The following ERBB4 variants were observed in gnomAD, a reference collection of about 807,000 sequenced individuals.
ERBB4 encodes the protein receptor tyrosine-protein kinase erbB-4.
ERBB4 carries 42 observed loss-of-function variants against 158.0 expected under a neutral mutation model. The observed-to-expected ratio is 0.27, with a 90% CI of 0.21 to 0.34. The LOEUF is 0.34. Ranked by LOEUF, ERBB4 falls within the 10% of genes least tolerant of loss-of-function variation. ERBB4 has a pLI of 1.00. For synonymous variants in ERBB4, 583 were observed against 558.7 expected (o/e 1.04, Z -0.61); for missense variants, 1,333 against 1,624.1 (o/e 0.82, Z 3.08).
chr2:211,986,199 G>C (rs1044087162), intron 2 of ERBB4, among the ~76,000 whole-genome samples: 2 of 152,088 alleles, frequency 1.3e-5, no homozygotes, highest in African/African-American at 4.8e-5. Flanking sequence ...GTATCAACAA[G>C]GAACCAATCC....
In ERBB4 at chr2:212,252,972, A is replaced by G. The variant is rs77022456; in HGVS notation, c.83-128069T>C. ...GTGAGCATCTTGTGGGAAAATTTGC[A>G]TAACATCATTTGCATTTCTTCTAAT... On this transcript the variant is annotated intron_variant, in intron 1 of 27. Transcript: ENST00000342788. Among the ~76,000 whole-genome samples, 1,458 of 152,292 alleles carry G rather than the reference A, an allele frequency of 9.6e-3. 22 individuals carry two copies. Among genetic ancestry groups the G allele is most frequent in the African/African-American group, 0.034 (1,396 of 41,566 alleles).
intron 20 of ERBB4, among the ~76,000 whole-genome samples, chr2:211,465,184 A>G (rs1225011625): frequency 6.6e-6 from 1 of 151,984 alleles, no homozygotes; most frequent in Admixed American, 6.6e-5. Context: ...TGCTTTAAAT[A>G]GGCTTGAGCT....
At chr2:212,343,807 G>A (rs1260888611) in intron 1 of ERBB4, among the ~76,000 whole-genome samples, 2 of 152,018 alleles carry the variant, frequency 1.3e-5, no homozygotes, top group African/African-American at 2.4e-5. Flanking sequence ...TTAATTTTAT[G>A]TGTTAATTTT....
intron 2 of ERBB4, among the ~76,000 whole-genome samples, chr2:212,035,983 C>T (rs1416548602): frequency 6.6e-6 from 1 of 152,134 alleles, no homozygotes; most frequent in Non-Finnish European, 1.5e-5. Context: ...ATGAACTCTA[C>T]CTGGGATACA....
chr2:211,378,680 T>C lies in ERBB4; in HGVS notation c.*4935A>G. 1 of 232,418 alleles carries C rather than the reference T, an allele frequency of 4.3e-6. No homozygotes were observed. Among genetic ancestry groups the C allele is most frequent in the African/African-American group, 2.2e-5 (1 of 45,366 alleles). 14.4% of individuals were successfully genotyped at this position (232,418 alleles called of 1,614,324 possible). A position where few individuals can be genotyped will look rare whatever the true frequency, so the allele number is the denominator to read the frequency against. On this transcript the variant is annotated 3_prime_UTR_variant, in exon 28 of 28. Transcript: ENST00000342788. ...GTAATAATGAGGTCTCCACTGATAA[T>C]GATCTTTTAAAATTATGCCTGATCT...
chr2:211,946,984 T>C (rs1467206422), intron 3 of ERBB4, among the ~76,000 whole-genome samples: 1 of 152,100 alleles, frequency 6.6e-6, no homozygotes, highest in Non-Finnish European at 1.5e-5. Flanking sequence ...ATCAAAACTG[T>C]ATAAATTAGA....
In ERBB4 at chr2:211,548,440, T is replaced by C. The variant is rs145298074; in HGVS notation, c.2487+13463A>G. ...CAAATAAAATTCTATAGAGAAAAAATTCATAAGCTCATTTAAAAAATTATC... is the reference window on the plus strand; with the variant it reads ...CAAATAAAATTCTATAGAGAAAAAACTCATAAGCTCATTTAAAAAATTATC... On this transcript the variant is annotated intron_variant, in intron 20 of 27. Transcript: ENST00000342788. Among the ~76,000 whole-genome samples, 1,016 of 151,254 alleles carry C rather than the reference T, an allele frequency of 6.7e-3. 11 individuals carry two copies. The highest frequency in any genetic ancestry group is 0.024 in the African/African-American group (970 of 41,226).
intron 5 of ERBB4, among the ~76,000 whole-genome samples, chr2:211,748,500 GC>G (rs1559483271): frequency 6.6e-6 from 1 of 152,122 alleles, no homozygotes. Context: ...TGTCTTAAGT[GC>G]CCCTACTCAA....
intron 3 of ERBB4, among the ~76,000 whole-genome samples, chr2:211,924,600 T>C (rs2079965141): frequency 6.6e-6 from 1 of 152,210 alleles, no homozygotes; most frequent in African/African-American, 2.4e-5. Context: ...AGATTATGTT[T>C]AGAGGGTGAA....
At chr2:212,246,564 C>T (rs916919115) in intron 1 of ERBB4, among the ~76,000 whole-genome samples, 2 of 152,012 alleles carry the variant, frequency 1.3e-5, no homozygotes, top group African/African-American at 2.4e-5. Flanking sequence ...CAAGAATATA[C>T]ACAAAATACA....
At chr2:211,462,124 CG>C (rs2064550155) in intron 20 of ERBB4, among the ~76,000 whole-genome samples, 1 of 151,822 alleles carries the variant, frequency 6.6e-6, no homozygotes, top group Non-Finnish European at 1.5e-5. Context: ...CTTGGCTTCT[CG>C]GGGAGATCTC....
In ERBB4 at chr2:212,191,786, T is replaced by TAC. The variant is rs1422119121; in HGVS notation, c.83-66884_83-66883insGT. Among the ~76,000 whole-genome samples the TAC allele has an allele frequency of 3.3e-3, 336 of 101,096 alleles. 1 individual carries two copies. Among genetic ancestry groups the TAC allele is most frequent in the Non-Finnish European group, 4.3e-3 (215 of 50,486 alleles). 66.3% of individuals were successfully genotyped at this position (101,096 alleles called of 152,430 possible). ...CATGTTATATATAACACGTGTGTTA[T>TAC]ATGTTCTATATGTTATATATAATAC... On this transcript the variant is annotated intron_variant, in intron 1 of 27. Coordinates refer to ENST00000342788, the MANE Select transcript of ERBB4 (RefSeq NM_005235.3).
At chr2:211,772,947 ATATATATATTTT>A (rs2075751853) in intron 4 of ERBB4, among the ~76,000 whole-genome samples, 1 of 81,774 alleles carries the variant, frequency 1.2e-5, no homozygotes, top group African/African-American at 6.9e-5. Flanking sequence ...ATATATATAT[ATATATATATTTT>A]TTTTTTTAAA....
At chr2:211,793,119 T>C (rs1163140245) in intron 3 of ERBB4, among the ~76,000 whole-genome samples, 8 of 151,908 alleles carry the variant, frequency 5.3e-5, no homozygotes, top group African/African-American at 1.9e-4. Flanking sequence ...ATGCACAATT[T>C]GTAACCATTT....
chr2:211,714,772 T>C (rs1381025293), intron 7 of ERBB4, among the ~76,000 whole-genome samples: 5 of 152,176 alleles, frequency 3.3e-5, no homozygotes, highest in African/African-American at 1.2e-4. Context: ...TGTCACAATG[T>C]CATCATGTTG....
chr2:211,463,257 A>C lies in ERBB4; in HGVS notation c.2488-32157T>G, dbSNP rs116126289. On this transcript the variant is annotated intron_variant, in intron 20 of 27. Coordinates refer to ENST00000342788, the MANE Select transcript of ERBB4 (RefSeq NM_005235.3). ...AAGCGGAGCTATAGTTTTTAGTTTC[A>C]AGGATTCCTGGCTCAAATTCCAGCA... 3.3e-3 allele frequency among the ~76,000 whole-genome samples: 500 copies of C among 152,278 alleles called. 4 individuals carry two copies. Among genetic ancestry groups the C allele is most frequent in the African/African-American group, 0.012 (484 of 41,576 alleles).
chr2:212,218,491 T>C (rs2083179998), intron 1 of ERBB4, among the ~76,000 whole-genome samples: 2 of 151,206 alleles, frequency 1.3e-5, no homozygotes, highest in African/African-American at 4.8e-5. Flanking sequence ...AATAAGAAAA[T>C]AGAGGGCAAA....
chr2:212,377,809 T>C (rs1158975132), intron 1 of ERBB4, among the ~76,000 whole-genome samples: 1 of 151,974 alleles, frequency 6.6e-6, no homozygotes, highest in Non-Finnish European at 1.5e-5. Context: ...TAAAAATCCT[T>C]TGTTTCTTAC....
intron 2 of ERBB4, among the ~76,000 whole-genome samples, chr2:212,027,777 A>G (rs1005704525): frequency 6.6e-6 from 1 of 152,034 alleles, no homozygotes; most frequent in East Asian, 1.9e-4. Flanking sequence ...GAGTCCAAGA[A>G]TTCTCTGTTT....
Sources: gnomAD v4.1 joint callset for allele counts (sites outside exome capture counted in the v4.1 genomes callset) on GRCh38, gnomAD v4.1.1 for gene constraint, MANE v1.5 for transcripts, NCBI Gene and HGNC (gene_info 2026-07-23, HGNC 2026-07-21) for gene names.